Variants in CDH4 observed in about 807,000 individuals in gnomAD.
CDH4 encodes the protein cadherin-4.
Under a neutral mutation model 86.0 loss-of-function variants are expected in CDH4, and 33 were observed. That is an observed-to-expected ratio of 0.38 (90% CI 0.29 to 0.51). The LOEUF (loss-of-function observed/expected upper bound fraction) is 0.51, where lower values mean the gene tolerates loss of function less well. Ranked by LOEUF, CDH4 falls within the 20% of genes least tolerant of loss-of-function variation. The probability of loss-of-function intolerance (pLI) is 0.86; values close to 1 mark genes in which losing one functional copy is unlikely to be tolerated. For synonymous variants in CDH4, 555 were observed against 549.4 expected (o/e 1.01, Z -0.14); for missense variants, 1,114 against 1,307.4 (o/e 0.85, Z 2.28).
At chr20:61,557,628 C>G (rs147711579) in intron 2 of CDH4, among the ~76,000 whole-genome samples, 54 of 152,280 alleles carry the variant, frequency 3.5e-4, no homozygotes, top group Admixed American at 9.1e-4. Flanking sequence ...AAATGCCGCT[C>G]TTTTACATTC....
intron 4 of CDH4, among the ~76,000 whole-genome samples, chr20:61,821,173 C>T (rs1332273205): frequency 8.6e-5 from 13 of 150,396 alleles, no homozygotes; most frequent in Non-Finnish European, 1.2e-4. Context: ...ACACAGCCCC[C>T]ACCCCAGCCC....
intron 2 of CDH4, among the ~76,000 whole-genome samples, chr20:61,366,492 G>C (rs1206456753): frequency 6.6e-6 from 1 of 152,234 alleles, no homozygotes; most frequent in Non-Finnish European, 1.5e-5. Context: ...CTTCAGAGCT[G>C]ACAGCCCCGA....
intron 2 of CDH4, among the ~76,000 whole-genome samples, chr20:61,360,347 GGT>G (rs1247489923): frequency 6.6e-6 from 1 of 152,208 alleles, no homozygotes; most frequent in Non-Finnish European, 1.5e-5. Flanking sequence ...TATTGGGGCT[GGT>G]GTGTGCCCTC....
intron 2 of CDH4, among the ~76,000 whole-genome samples, chr20:61,261,028 C>T (rs55657189): frequency 0.44 from 66,801 of 152,076 alleles, 15,255 homozygotes; most frequent in African/African-American, 0.58. Flanking sequence ...ACTGCCGCCC[C>T]GGGCTCTGCA....
intron 2 of CDH4, among the ~76,000 whole-genome samples, chr20:61,611,987 A>T (rs61404783): frequency 6.6e-6 from 1 of 152,024 alleles, no homozygotes; most frequent in Non-Finnish European, 1.5e-5. Context: ...TCTTCAGCTC[A>T]TGCATTTTTC....
intron 2 of CDH4, among the ~76,000 whole-genome samples, chr20:61,619,143 C>T (rs1341379280): frequency 6.6e-6 from 1 of 152,194 alleles, no homozygotes; most frequent in African/African-American, 2.4e-5. Context: ...CAGACATTGC[C>T]ACCCTGCAGA....
intron 2 of CDH4, among the ~76,000 whole-genome samples, chr20:61,422,452 A>AAAC (rs2085184558): frequency 1.1e-5 from 1 of 90,448 alleles, no homozygotes; most frequent in Non-Finnish European, 2.3e-5. Flanking sequence ...AAAAAAAAAA[A>AAAC]AAAAAAAAAA....
At chr20:61,467,436 T>C (rs904863882) in intron 2 of CDH4, among the ~76,000 whole-genome samples, 3 of 152,232 alleles carry the variant, frequency 2.0e-5, no homozygotes, top group African/African-American at 7.2e-5. Flanking sequence ...CTGAAACATG[T>C]GTCTTGAGTA....
intron 2 of CDH4, among the ~76,000 whole-genome samples, chr20:61,506,141 C>G (rs2085739880): frequency 6.6e-6 from 1 of 152,192 alleles, no homozygotes; most frequent in Non-Finnish European, 1.5e-5. Context: ...GTGTGTGAGA[C>G]ACACTATGAC....
At chr20:61,299,369 C>G (rs2084374250) in intron 2 of CDH4, among the ~76,000 whole-genome samples, 2 of 152,220 alleles carry the variant, frequency 1.3e-5, no homozygotes, top group Admixed American at 1.3e-4. Flanking sequence ...CCGTCAAACT[C>G]CTGGGCTCCA....
At chr20:61,523,108 G>A (rs1433045209) in intron 2 of CDH4, among the ~76,000 whole-genome samples, 1 of 152,236 alleles carries the variant, frequency 6.6e-6, no homozygotes, top group Non-Finnish European at 1.5e-5. Flanking sequence ...TCCAGAGCTG[G>A]CCAGCACTGT....
chr20:61,399,041 G>A (rs1429964554), intron 2 of CDH4, among the ~76,000 whole-genome samples: 1 of 151,880 alleles, frequency 6.6e-6, no homozygotes, highest in East Asian at 1.9e-4. Context: ...TGAACCCCAG[G>A]TCATTATTTA....
At chr20:61,567,237 C>T (rs2086305317) in intron 2 of CDH4, among the ~76,000 whole-genome samples, 1 of 152,210 alleles carries the variant, frequency 6.6e-6, no homozygotes, top group South Asian at 2.1e-4. Context: ...CCTTTGTAAG[C>T]TCTTCTAGCT....
At chr20:61,429,663 G>GTGGGTGGATGGATGGGTGGATAGA (rs1003663276) in intron 2 of CDH4, among the ~76,000 whole-genome samples, 2 of 151,020 alleles carry the variant, frequency 1.3e-5, no homozygotes, top group South Asian at 2.1e-4. Flanking sequence ...GGATGGATGG[G>GTGGGTGGATGGATGGGTGGATAGA]TGGGTGGATG....
At chr20:61,487,910 G>C (rs901190300) in intron 2 of CDH4, among the ~76,000 whole-genome samples, 1 of 152,208 alleles carries the variant, frequency 6.6e-6, no homozygotes, top group Non-Finnish European at 1.5e-5. Flanking sequence ...AATACAAACT[G>C]AGGTCAGCTC....
chr20:61,605,609 C>T (rs758833689), intron 2 of CDH4, among the ~76,000 whole-genome samples: 8 of 151,868 alleles, frequency 5.3e-5, no homozygotes, highest in Non-Finnish European at 1.0e-4. Context: ...GTCTCTGTTT[C>T]TGTCTCTCTC....
At chr20:61,587,721 G>A (rs1023184483) in intron 2 of CDH4, among the ~76,000 whole-genome samples, 2 of 152,160 alleles carry the variant, frequency 1.3e-5, no homozygotes, top group African/African-American at 4.8e-5. Context: ...CGGCCTTACA[G>A]TCACCCACCG....
intron 7 of CDH4, among the ~76,000 whole-genome samples, chr20:61,884,990 G>A (rs1984474876): frequency 6.6e-6 from 1 of 152,104 alleles, no homozygotes; most frequent in Admixed American, 6.5e-5. Flanking sequence ...GGGTCAGTCT[G>A]CAGGCCCAGC....
At chr20:61,449,662 C>G (rs962706734) in intron 2 of CDH4, among the ~76,000 whole-genome samples, 1 of 152,154 alleles carries the variant, frequency 6.6e-6, no homozygotes, top group Non-Finnish European at 1.5e-5. Flanking sequence ...ATGGATAAGA[C>G]TTAAGAACTT....
Sources: gnomAD v4.1 joint callset for allele counts (sites outside exome capture counted in the v4.1 genomes callset) on GRCh38, gnomAD v4.1.1 for gene constraint, MANE v1.5 for transcripts, NCBI Gene and HGNC (gene_info 2026-07-23, HGNC 2026-07-21) for gene names.